The following PPP6R3 variants were observed in gnomAD, a reference collection of about 807,000 sequenced individuals.
PPP6R3 encodes the protein serine/threonine-protein phosphatase 6 regulatory subunit 3.
Under a neutral mutation model 110.7 loss-of-function variants are expected in PPP6R3, and 38 were observed. The ratio of observed to expected loss-of-function variants is 0.34; its 90% CI spans 0.26 to 0.45. The LOEUF (loss-of-function observed/expected upper bound fraction) is 0.45. Among genes scored for constraint, PPP6R3 ranks in the 20% least tolerant of loss-of-function variants. The probability of loss-of-function intolerance (pLI) is 1.00; values close to 1 mark genes in which losing one functional copy is unlikely to be tolerated. For synonymous variants in PPP6R3, 369 were observed against 373.5 expected, an observed-to-expected ratio of 0.99 and a Z score of 0.14; for missense variants, 870 against 1,062.4, an observed-to-expected ratio of 0.82 and a Z score of 2.52.
intron 1 of PPP6R3, among the ~76,000 whole-genome samples, chr11:68,483,135 CTTTT>C (rs1251688529): frequency 1.3e-5 from 2 of 152,058 alleles, no homozygotes; most frequent in African/African-American, 2.4e-5. Flanking sequence ...AGTTATTTTG[CTTTT>C]TTGTCTTTGC....
rs1015415226 is a variant in PPP6R3 at position 68,580,264 on chromosome 11, A to G, written c.1546-2779A>G. Among the ~76,000 whole-genome samples, 7 of 152,346 alleles carry G rather than the reference A, an allele frequency of 4.6e-5. No individual in the cohort carries two copies. The South Asian group carries it at 1.2e-3, about 27-fold the overall frequency. On this transcript the variant is annotated intron_variant, in intron 14 of 23. Transcript: ENST00000393800. ...AAGGCGCCAAACAGCCAGATTTTCT[A>G]CAGCTTTTTAGTCTATGGTAATTTT...
Position 68,609,939 on chromosome 11 carries a change from C to T in PPP6R3, c.2486C>T (p.Ala829Val). 1 of 1,614,158 alleles carries T rather than the reference C, an allele frequency of 6.2e-7. No individual in the cohort carries two copies. Among genetic ancestry groups the T allele is most frequent in the Non-Finnish European group, 8.5e-7 (1 of 1,180,034 alleles). ...EGKLSTSQDA[A>V]CKDAEECPET... is the part of the protein sequence containing the mutation. ...AAACTGTCTACCTCTCAAGATGCTG[C>T]TTGTAAAGACGCAGAGGAGTGTCCC... Residue 829 changes from alanine (A) to valine (V), a missense_variant, in exon 23 of 24, where the codon GCT becomes GTT. Coordinates refer to ENST00000393800, the MANE Select transcript of PPP6R3 (RefSeq NM_001164161.2).
chr11:68,548,476 G>A (rs1377315016), intron 5 of PPP6R3, among the ~76,000 whole-genome samples: 2 of 152,136 alleles, frequency 1.3e-5, no homozygotes, highest in Non-Finnish European at 2.9e-5. Flanking sequence ...CTTTTTATGG[G>A]GGTGGTGAGA....
At chr11:68,612,905 G>A (rs1304341132) in intron 23 of PPP6R3, 161 bp from the exon 24 acceptor site, 2 of 1,380,658 alleles carry the variant, frequency 1.4e-6, no homozygotes, top group Non-Finnish European at 1.9e-6. Context: ...TTTTTCTAGA[G>A]CTTTTGCTCC....
At chr11:68,543,229 G>A (rs1326321689) in intron 3 of PPP6R3, among the ~76,000 whole-genome samples, 1 of 152,160 alleles carries the variant, frequency 6.6e-6, no homozygotes, top group Non-Finnish European at 1.5e-5. Context: ...GTAGAGGCCG[G>A]TTTTGAACTT....
chr11:68,590,493 A>G (rs796706101), intron 16 of PPP6R3, among the ~76,000 whole-genome samples, 167 bp from the exon 17 acceptor site: 26 of 152,322 alleles, frequency 1.7e-4, no homozygotes, highest in African/African-American at 6.0e-4. Context: ...ATTAATACCA[A>G]GGGAGCTGGC....
At chr11:68,507,106 T>A (rs149321581) in intron 1 of PPP6R3, among the ~76,000 whole-genome samples, 2,391 of 152,294 alleles carry the variant, frequency 0.016, 20 homozygotes, top group Middle Eastern at 0.034. Flanking sequence ...TCCATTAGGG[T>A]GCATAGCCAA....
chr11:68,589,490 A>G (rs2099588929), intron 16 of PPP6R3, among the ~76,000 whole-genome samples: 1 of 152,226 alleles, frequency 6.6e-6, no homozygotes, highest in African/African-American at 2.4e-5. Context: ...ATAGAAATGA[A>G]AACAGGTGGT....
At chr11:68,470,408 G>T (rs1242633832) in intron 1 of PPP6R3, among the ~76,000 whole-genome samples, 1 of 152,142 alleles carries the variant, frequency 6.6e-6, no homozygotes, top group African/African-American at 2.4e-5. Context: ...AGGGGCAGCG[G>T]AGGCCAGTGT....
At chr11:68,523,513 T>C (rs2099174978) in intron 2 of PPP6R3, among the ~76,000 whole-genome samples, 1 of 152,174 alleles carries the variant, frequency 6.6e-6, no homozygotes. Flanking sequence ...GTGTTGTTTT[T>C]GTGAGTCCCC....
intron 1 of PPP6R3, chr11:68,514,982 A>T (rs1454583965): frequency 6.6e-6 from 1 of 151,888 alleles, no homozygotes; most frequent in Non-Finnish European, 1.5e-5. Flanking sequence ...ATCTTTTGGG[A>T]TTGTAATTTT....
chr11:68,522,574 C>T (rs1297677264), intron 2 of PPP6R3: 8 of 152,152 alleles, frequency 5.3e-5, no homozygotes, highest in Non-Finnish European at 7.3e-5. Flanking sequence ...TAGGGCAAAC[C>T]GGGATGGTTA....
intron 1 of PPP6R3, among the ~76,000 whole-genome samples, chr11:68,519,208 G>A (rs1029816231): frequency 6.6e-6 from 1 of 152,172 alleles, no homozygotes; most frequent in Non-Finnish European, 1.5e-5. Flanking sequence ...GTTTTCAGAA[G>A]ACAAAGGTAA....
At chr11:68,548,930 G>T (rs531010355) in intron 5 of PPP6R3, among the ~76,000 whole-genome samples, 2 of 151,910 alleles carry the variant, frequency 1.3e-5, no homozygotes, top group African/African-American at 4.8e-5. Flanking sequence ...TCACTCTGTC[G>T]CCCAGGCTGG....
intron 3 of PPP6R3, among the ~76,000 whole-genome samples, chr11:68,543,829 C>A (rs544926779): frequency 2.0e-5 from 3 of 152,280 alleles, no homozygotes; most frequent in Admixed American, 1.3e-4. Context: ...CTAGTGAAAA[C>A]AGACACGAGA....
At chr11:68,612,948 C>A in intron 23 of PPP6R3, 118 bp from the exon 24 acceptor site, 1 of 1,519,556 alleles carries the variant, frequency 6.6e-7, no homozygotes, top group South Asian at 1.3e-5. Flanking sequence ...TAAAAACTTA[C>A]TAAGTTCAAA....
At chr11:68,483,424 A>G (rs762698766) in intron 1 of PPP6R3, among the ~76,000 whole-genome samples, 7 of 152,226 alleles carry the variant, frequency 4.6e-5, no homozygotes, top group Non-Finnish European at 7.3e-5. Context: ...CCTCAGGAGA[A>G]TGGTGCATTT....
At chr11:68,487,059 C>T (rs1163884683) in intron 1 of PPP6R3, among the ~76,000 whole-genome samples, 1 of 151,914 alleles carries the variant, frequency 6.6e-6, no homozygotes, top group Non-Finnish European at 1.5e-5. Context: ...TCTTGATTTC[C>T]TGTTTTCAGT....
Position 68,614,119 on chromosome 11 carries a change from T to C in PPP6R3, c.*1002T>C, listed in dbSNP as rs1365452392. On this transcript the variant is annotated 3_prime_UTR_variant, in exon 24 of 24. Coordinates refer to ENST00000393800, the MANE Select transcript of PPP6R3 (RefSeq NM_001164161.2). ...TAATGGAATTAGAGTGCGTTCATTT[T>C]ACAGGCTAGTATTTTAAAAGTAGAA... is the stretch of plus-strand genomic sequence containing the variant. 1.0e-6 allele frequency: 1 copy of C among 986,168 alleles called. No homozygotes were observed. Among genetic ancestry groups the C allele is most frequent in the African/African-American group, 1.7e-5 (1 of 57,256 alleles). 61.1% of individuals were successfully genotyped at this position (986,168 alleles called of 1,614,324 possible). A position where few individuals can be genotyped will look rare whatever the true frequency, so the allele number is the denominator to read the frequency against.
Sources: allele counts gnomAD v4.1 joint callset (sites outside exome capture counted in the v4.1 genomes callset), GRCh38; gene constraint gnomAD v4.1.1; transcripts MANE v1.5; gene names NCBI Gene and HGNC (gene_info 2026-07-23, HGNC 2026-07-21).